Variants in RNF150 observed in about 807,000 individuals in gnomAD.
The protein encoded by RNF150 is ring finger protein 150.
In RNF150, 24 loss-of-function variants were observed where a neutral mutation model predicts 39.3. That is an observed-to-expected ratio of 0.61 (90% CI 0.44 to 0.86). The LOEUF (loss-of-function observed/expected upper bound fraction) is 0.86, where lower values mean the gene tolerates loss of function less well. Ranked by LOEUF, RNF150 falls within the 40% of genes least tolerant of loss-of-function variation. RNF150 has a pLI of 0.00. For missense variants in RNF150, 502 were observed against 587.8 expected, an observed-to-expected ratio of 0.85 and a Z score of 1.51; for synonymous variants, 255 against 227.3, an observed-to-expected ratio of 1.12 and a Z score of -1.10.
intron 1 of RNF150, among the ~76,000 whole-genome samples, chr4:141,088,678 TACACACACACACACACAC>T (rs60239559): frequency 6.8e-6 from 1 of 146,498 alleles, no homozygotes; most frequent in African/African-American, 2.5e-5. Flanking sequence ...ACTTTGCTTT[TACACACACACACACACAC>T]ACACACACAC....
intron 1 of RNF150, among the ~76,000 whole-genome samples, chr4:140,971,262 C>T (rs1176807902): frequency 6.6e-6 from 1 of 151,164 alleles, no homozygotes; most frequent in Non-Finnish European, 1.5e-5. Flanking sequence ...GGGTGTGAGG[C>T]AGGGAAGGAG....
intron 6 of RNF150, among the ~76,000 whole-genome samples, chr4:140,908,584 C>T (rs1174513728): frequency 2.6e-5 from 4 of 152,126 alleles, no homozygotes; most frequent in African/African-American, 4.8e-5. Context: ...AAGGTCTCCA[C>T]TTCAAGCTTA....
chr4:140,934,450 G>C (rs1731760918), intron 4 of RNF150, among the ~76,000 whole-genome samples: 1 of 151,500 alleles, frequency 6.6e-6, no homozygotes, highest in Non-Finnish European at 1.5e-5. Context: ...TCATGTGATA[G>C]AGCAAAAAAG....
At chr4:140,909,974 C>CTA (rs1730528870) in intron 6 of RNF150, among the ~76,000 whole-genome samples, 1 of 152,122 alleles carries the variant, frequency 6.6e-6, no homozygotes, top group African/African-American at 2.4e-5. Context: ...ATCATCTCAA[C>CTA]TATATAATAA....
chr4:141,017,249 C>T (rs1276463114), intron 1 of RNF150, among the ~76,000 whole-genome samples: 1 of 152,152 alleles, frequency 6.6e-6, no homozygotes, highest in East Asian at 1.9e-4. Flanking sequence ...TAAACTCCTA[C>T]TTCTGTGAAA....
At chr4:140,949,266 A>C in intron 3 of RNF150, 35 bp downstream of exon 3, 1 of 1,536,054 alleles carries the variant, frequency 6.5e-7, no homozygotes, top group Non-Finnish European at 8.9e-7. Flanking sequence ...TTCTTTGAAT[A>C]GCTCCTCACC....
intron 6 of RNF150, among the ~76,000 whole-genome samples, chr4:140,876,737 G>A (rs1282428073): frequency 6.6e-6 from 1 of 152,204 alleles, no homozygotes; most frequent in Non-Finnish European, 1.5e-5. Context: ...ATTGACAGTT[G>A]TACTATTCTG....
chr4:140,956,635 C>T (rs150117279), intron 2 of RNF150, among the ~76,000 whole-genome samples: 2 of 152,234 alleles, frequency 1.3e-5, no homozygotes, highest in African/African-American at 4.8e-5. Context: ...TAAAAGATCA[C>T]ACTACCTGAC....
chr4:141,083,027 C>T (rs1738220363), intron 1 of RNF150, among the ~76,000 whole-genome samples: 1 of 152,058 alleles, frequency 6.6e-6, no homozygotes. Context: ...TGTTTTCAAA[C>T]CTTTTTAGAC....
intron 1 of RNF150, among the ~76,000 whole-genome samples, chr4:141,091,374 C>T (rs190465468): frequency 1.2e-4 from 19 of 152,082 alleles, no homozygotes; most frequent in East Asian, 1.2e-3. Flanking sequence ...TTTTTCTTTA[C>T]GTTAAAAAAA....
chr4:140,999,992 A>AAG (rs1491371280), intron 1 of RNF150, among the ~76,000 whole-genome samples: 3 of 22,470 alleles, frequency 1.3e-4, no homozygotes, highest in Admixed American at 9.5e-4. Context: ...AGAAAAGAAG[A>AAG]AAAGAAGAAG....
At chr4:141,185,403 T>C (rs1184669315) in intron 1 of RNF150, among the ~76,000 whole-genome samples, 1 of 152,074 alleles carries the variant, frequency 6.6e-6, no homozygotes, top group Non-Finnish European at 1.5e-5. Context: ...TTGCTAAAGT[T>C]GCTTATCAGC....
chr4:140,872,636 A>G (rs753790171), intron 6 of RNF150, among the ~76,000 whole-genome samples: 14 of 152,234 alleles, frequency 9.2e-5, no homozygotes, highest in Non-Finnish European at 1.6e-4. Context: ...TGATTTTTGG[A>G]TGAAGGATCT....
intron 1 of RNF150, among the ~76,000 whole-genome samples, chr4:141,173,107 G>C (rs1418988798): frequency 6.6e-6 from 1 of 152,128 alleles, no homozygotes; most frequent in East Asian, 1.9e-4. Context: ...GTTTTCAAGA[G>C]AGACGCTACC....
At chr4:141,002,507 C>T (rs1174126083) in intron 1 of RNF150, among the ~76,000 whole-genome samples, 1 of 152,180 alleles carries the variant, frequency 6.6e-6, no homozygotes, top group African/African-American at 2.4e-5. Flanking sequence ...CTATTTCTGT[C>T]TTATGGAAAT....
chr4:140,882,817 T>C (rs1268500641), intron 6 of RNF150, among the ~76,000 whole-genome samples: 1 of 152,194 alleles, frequency 6.6e-6, no homozygotes, highest in Non-Finnish European at 1.5e-5. Context: ...AAATCTAAAG[T>C]GACTGCCTTG....
rs143194436 is a variant in RNF150 at position 141,090,740 on chromosome 4, T to C, written c.484+41585A>G. Among the ~76,000 whole-genome samples the C allele has an allele frequency of 4.3e-4, 65 of 152,286 alleles. No homozygotes were observed. The East Asian group carries it at 0.01, about 24-fold the overall frequency. ...AACTGGTGAATGCCTGCCCTATCTT[T>C]AGACGGAGCAGCTGCTCAGCCCCTG... On this transcript the variant is annotated intron_variant, in intron 1 of 6. Coordinates refer to ENST00000515673, the MANE Select transcript of RNF150 (RefSeq NM_020724.2).
intron 1 of RNF150, among the ~76,000 whole-genome samples, chr4:140,993,269 A>G (rs1408121424): frequency 6.6e-6 from 1 of 152,062 alleles, no homozygotes. Context: ...AATGGCCCAC[A>G]TTTCTTGGCT....
intron 1 of RNF150, among the ~76,000 whole-genome samples, chr4:141,163,120 G>A (rs1167934706): frequency 6.6e-6 from 1 of 152,188 alleles, no homozygotes; most frequent in Non-Finnish European, 1.5e-5. Context: ...GGTTGGGGCA[G>A]AGGTACCCAC....
Sources: allele counts gnomAD v4.1 joint callset (sites outside exome capture counted in the v4.1 genomes callset), GRCh38; gene constraint gnomAD v4.1.1; transcripts MANE v1.5; gene names NCBI Gene and HGNC (gene_info 2026-07-23, HGNC 2026-07-21).